Variants in ZNF44 observed in about 807,000 individuals in gnomAD.
ZNF44 encodes the protein gonadotropin inducible transcription repressor-2.
A neutral mutation model predicts 11.7 loss-of-function variants in ZNF44; 9 were observed. The observed-to-expected ratio is 0.77, with a 90% CI of 0.46 to 1.35. The LOEUF is 1.35. Ranked by LOEUF, ZNF44 falls within the 40% of genes most tolerant of loss-of-function variation. The pLI is 0.00. For synonymous variants in ZNF44, 224 were observed against 242.7 expected, an observed-to-expected ratio of 0.92 and a Z score of 0.72; for missense variants, 696 against 743.1, an observed-to-expected ratio of 0.94 and a Z score of 0.74.
At chr19:12,292,863 T>G (rs1215359547) in intron 1 of ZNF44, among the ~76,000 whole-genome samples, 5 of 118,554 alleles carry the variant, frequency 4.2e-5, no homozygotes, top group Admixed American at 2.4e-4. Flanking sequence ...AGGTTTTTTT[T>G]TTTTTTTTTT....
intron 6 of ZNF44, chr19:12,250,078 G>C (rs1212069833): frequency 6.4e-6 from 8 of 1,256,584 alleles, no homozygotes; most frequent in Non-Finnish European, 8.2e-6. Flanking sequence ...TAAATTATTA[G>C]AAATTACAGA....
chr19:12,263,324 G>A (rs764342557), intron 5 of ZNF44, among the ~76,000 whole-genome samples: 39 of 151,906 alleles, frequency 2.6e-4, no homozygotes, highest in Non-Finnish European at 5.1e-4. Context: ...GACCTCAGGT[G>A]ATCCGCCCGC....
chr19:12,241,245 A>G (rs2459003), upstream of ZNF44, among the ~76,000 whole-genome samples: 1 of 152,208 alleles, frequency 6.6e-6, no homozygotes, highest in Non-Finnish European at 1.5e-5. Flanking sequence ...AAAAAGTAGA[A>G]TATAACCAGG....
At chr19:12,248,005 C>G in exon 8 of ZNF44, 2 of 1,342,120 alleles carry the variant, frequency 1.5e-6, no homozygotes, top group Non-Finnish European at 2.0e-6. Context: ...TATACGAACA[C>G]TTTCCCACAT....
downstream of ZNF44, chr19:12,247,402 T>TA (rs760408902): frequency 7.6e-7 from 1 of 1,311,554 alleles, no homozygotes; most frequent in Admixed American, 2.2e-5. Flanking sequence ...CGAAAGCCTG[T>TA]AAGGAAACTG....
chr19:12,259,471 T>C (rs1489240129), intron 5 of ZNF44, among the ~76,000 whole-genome samples: 1 of 152,256 alleles, frequency 6.6e-6, no homozygotes, highest in Non-Finnish European at 1.5e-5. Context: ...TTATGATTTT[T>C]GTTATGCAAA....
intron 5 of ZNF44, among the ~76,000 whole-genome samples, chr19:12,251,479 T>G (rs1916994472): frequency 6.6e-6 from 1 of 152,032 alleles, no homozygotes; most frequent in South Asian, 2.1e-4. Context: ...AGAGAAGTGT[T>G]CATTTTCACT....
intron 5 of ZNF44, among the ~76,000 whole-genome samples, chr19:12,261,686 A>G (rs1046855229): frequency 6.6e-6 from 1 of 152,248 alleles, no homozygotes; most frequent in South Asian, 2.1e-4. Context: ...AATAGTGAAT[A>G]GGAAAAATAC....
downstream of ZNF44, among the ~76,000 whole-genome samples, chr19:12,243,545 ACTTT>A (rs1262594108): frequency 6.6e-6 from 1 of 152,154 alleles, no homozygotes; most frequent in Non-Finnish European, 1.5e-5. Flanking sequence ...TATACATCAC[ACTTT>A]CTTTATTCAT....
upstream of ZNF44, among the ~76,000 whole-genome samples, chr19:12,240,226 T>C (rs1237189605): frequency 1.3e-5 from 2 of 151,770 alleles, no homozygotes; most frequent in Non-Finnish European, 2.9e-5. Flanking sequence ...GGCAGATCAC[T>C]TGAGGTCAAG....
intron 3 of ZNF44, among the ~76,000 whole-genome samples, chr19:12,228,193 CAAAACAATTGTTTAACTTTT>C (rs984416131): frequency 1.6e-5 from 2 of 128,064 alleles, no homozygotes; most frequent in African/African-American, 6.5e-5. Flanking sequence ...TTTAAACCTT[CAAAACAATTGTTTAACTTTT>C]TAATGTAGGT....
At chr19:12,281,566 G>A (rs947665047) in intron 1 of ZNF44, among the ~76,000 whole-genome samples, 3 of 152,066 alleles carry the variant, frequency 2.0e-5, no homozygotes, top group African/African-American at 7.2e-5. Flanking sequence ...GGAAAGTAAC[G>A]ATGAGAAGAG....
At chr19:12,278,046 C>T (rs1317879304) in intron 1 of ZNF44, among the ~76,000 whole-genome samples, 2 of 152,216 alleles carry the variant, frequency 1.3e-5, no homozygotes, top group Non-Finnish European at 2.9e-5. Flanking sequence ...GCCCCCAAAT[C>T]TAGCCATAAA....
chr19:12,292,043 T>C (rs1347969700), intron 1 of ZNF44, among the ~76,000 whole-genome samples: 1 of 148,276 alleles, frequency 6.7e-6, no homozygotes, highest in Non-Finnish European at 1.5e-5. Flanking sequence ...AAAAATGGAA[T>C]AGGGCCTGGG....
At chr19:12,267,469 G>T (rs1270861044), downstream of ZNF44, among the ~76,000 whole-genome samples, 2 of 152,116 alleles carry the variant, frequency 1.3e-5, no homozygotes, top group Non-Finnish European at 2.9e-5. Flanking sequence ...GGAAGAAAAG[G>T]AAACATCTGA....
intron 6 of ZNF44, chr19:12,250,104 T>C (rs1916931268): frequency 8.0e-7 from 1 of 1,250,844 alleles, no homozygotes; most frequent in Non-Finnish European, 1.0e-6. Flanking sequence ...TATTAGATTC[T>C]AGGTCCATAT....
chr19:12,274,168 T>G, intron 3 of ZNF44, 105 bp from the exon 4 acceptor site: 1 of 1,006,474 alleles, frequency 9.9e-7, no homozygotes, highest in Non-Finnish European at 1.4e-6. Flanking sequence ...GCTATAAGCT[T>G]CATGTCCTGC....
rs925575499 is a variant in ZNF44 at position 12,282,330 on chromosome 19, A to G, written c.4-6248T>C. ...AGGAATCAGGTCACTGGTCTCACAT[A>G]TAGGCATTAAGCTCCCTGCCAAGAT... On this transcript the variant is annotated intron_variant, in intron 1 of 3. Coordinates refer to ENST00000355684, the MANE Select transcript of ZNF44 (RefSeq NM_016264.4). Among the ~76,000 whole-genome samples the G allele has an allele frequency of 2.0e-5, 3 of 152,064 alleles. No homozygotes were observed. In the East Asian group the frequency reaches 5.8e-4, roughly 29 times the overall value.
intron 1 of ZNF44, among the ~76,000 whole-genome samples, chr19:12,290,408 A>AC (rs1394238264): frequency 6.8e-6 from 1 of 146,746 alleles, no homozygotes; most frequent in Admixed American, 6.8e-5. Context: ...AAAAAAAAAA[A>AC]AGGCTCCTCC....
Sources: gnomAD v4.1 joint callset for allele counts (sites outside exome capture counted in the v4.1 genomes callset) on GRCh38, gnomAD v4.1.1 for gene constraint, MANE v1.5 for transcripts, NCBI Gene and HGNC (gene_info 2026-07-23, HGNC 2026-07-21) for gene names.